ROBO2: variants seen among roughly 807,000 people sequenced by gnomAD.
ROBO2 encodes the protein roundabout homolog 2.
In ROBO2, 53 loss-of-function variants were observed where a neutral mutation model predicts 160.8. That is an observed-to-expected ratio of 0.33 (90% CI 0.26 to 0.41). ROBO2 has a LOEUF of 0.41. ROBO2 is among the 10% of genes least tolerant of loss of function. ROBO2 has a pLI of 1.00. For synonymous variants in ROBO2, 664 were observed against 611.7 expected (o/e 1.09, Z -1.26); for missense variants, 1,577 against 1,722.4 (o/e 0.92, Z 1.49).
intron 2 of ROBO2, among the ~76,000 whole-genome samples, chr3:76,004,760 G>C (rs1208805258): frequency 2.6e-5 from 4 of 152,296 alleles, no homozygotes; most frequent in Admixed American, 6.5e-5. Flanking sequence ...TATAAAAATT[G>C]AATCTATAGA....
At chr3:77,316,796 C>T (rs2064039051) in intron 2 of ROBO2, 6 of 1,282,944 alleles carry the variant, frequency 4.7e-6, no homozygotes, top group Admixed American at 1.7e-5. Context: ...TGGCCACCAG[C>T]CTTGACGTTC....
chr3:76,698,000 T>G (rs2092964550), intron 2 of ROBO2, among the ~76,000 whole-genome samples: 1 of 152,256 alleles, frequency 6.6e-6, no homozygotes, highest in African/African-American at 2.4e-5. Context: ...CTGTAGAAGC[T>G]CTTCTATTTT....
chr3:76,141,149 C>CTATATATATA (rs1367308943), intron 2 of ROBO2, among the ~76,000 whole-genome samples: 1 of 51,174 alleles, frequency 2.0e-5, no homozygotes, highest in African/African-American at 8.8e-5. Context: ...CTCTCTCTCT[C>CTATATATATA]TCTCTCTCTC....
chr3:76,754,641 G>T (rs1230652031), intron 2 of ROBO2, among the ~76,000 whole-genome samples: 1 of 151,770 alleles, frequency 6.6e-6, no homozygotes, highest in Non-Finnish European at 1.5e-5. Flanking sequence ...ATATTATTAG[G>T]ACTATCCAAG....
intron 2 of ROBO2, among the ~76,000 whole-genome samples, chr3:76,256,299 GTCTCTCTCTCTCTCTCTC>G (rs372215718): frequency 0.014 from 1,258 of 92,526 alleles, 19 homozygotes; most frequent in African/African-American, 0.023. Flanking sequence ...GACAGAGTGA[GTCTCTCTCTCTCTCTCTC>G]TCTCTCTCTC....
At chr3:76,072,266 T>G (rs1054022369) in intron 2 of ROBO2, among the ~76,000 whole-genome samples, 2 of 152,116 alleles carry the variant, frequency 1.3e-5, no homozygotes, top group Non-Finnish European at 2.9e-5. Context: ...GGTTTTTTTT[T>G]CCTTGAGGCA....
At chr3:76,562,337 T>C (rs1035052950) in intron 2 of ROBO2, among the ~76,000 whole-genome samples, 12 of 151,972 alleles carry the variant, frequency 7.9e-5, no homozygotes, top group African/African-American at 2.2e-4. Context: ...AATAATACTA[T>C]GATTAGAATG....
intron 2 of ROBO2, among the ~76,000 whole-genome samples, chr3:76,991,563 A>G (rs1255997708): frequency 6.6e-6 from 1 of 152,180 alleles, no homozygotes; most frequent in Non-Finnish European, 1.5e-5. Flanking sequence ...TTTGCTTTTT[A>G]TCACGGGATT....
chr3:77,168,178 A>T (rs1490192008), intron 2 of ROBO2, among the ~76,000 whole-genome samples: 1 of 152,232 alleles, frequency 6.6e-6, no homozygotes, highest in Non-Finnish European at 1.5e-5. Context: ...ACAGACAATC[A>T]GCCTTCCAAG....
intron 2 of ROBO2, among the ~76,000 whole-genome samples, chr3:76,003,427 T>C (rs2065941892): frequency 6.6e-6 from 1 of 152,220 alleles, no homozygotes; most frequent in South Asian, 2.1e-4. Flanking sequence ...AAATCAGATT[T>C]TGCTATAAAG....
At chr3:76,346,301 G>A (rs1398518064) in intron 2 of ROBO2, among the ~76,000 whole-genome samples, 1 of 150,580 alleles carries the variant, frequency 6.6e-6, no homozygotes, top group Non-Finnish European at 1.5e-5. Flanking sequence ...AGGCTGGAGT[G>A]CAGTGGCGTG....
At chr3:76,631,203 T>G (rs2109451824) in intron 2 of ROBO2, among the ~76,000 whole-genome samples, 1 of 152,334 alleles carries the variant, frequency 6.6e-6, no homozygotes, top group African/African-American at 2.4e-5. Flanking sequence ...TTAATTTTAT[T>G]CAGTGGAAAA....
intron 2 of ROBO2, among the ~76,000 whole-genome samples, chr3:76,886,882 G>T (rs959197939): frequency 1.3e-5 from 2 of 152,156 alleles, no homozygotes; most frequent in South Asian, 2.1e-4. Flanking sequence ...TGTAATTAAA[G>T]ATTTCAGTCT....
chr3:76,740,263 G>A (rs2093780874), intron 2 of ROBO2, among the ~76,000 whole-genome samples: 1 of 152,248 alleles, frequency 6.6e-6, no homozygotes, highest in African/African-American at 2.4e-5. Context: ...TCAGTGTGTT[G>A]ATGAGTGCAG....
intron 2 of ROBO2, among the ~76,000 whole-genome samples, chr3:77,107,717 C>G (rs147909298): frequency 6.6e-6 from 1 of 152,090 alleles, no homozygotes; most frequent in South Asian, 2.1e-4. Context: ...TACCAAGGAA[C>G]GAATGTGCCT....
intron 2 of ROBO2, among the ~76,000 whole-genome samples, chr3:76,062,513 T>C (rs927308941): frequency 7.2e-5 from 11 of 152,294 alleles, no homozygotes; most frequent in East Asian, 3.9e-4. Context: ...CCCTCCTTCA[T>C]TGATATGAAG....
intron 16 of ROBO2, among the ~76,000 whole-genome samples, chr3:77,580,626 C>A (rs753359477): frequency 2.6e-5 from 4 of 151,956 alleles, no homozygotes; most frequent in African/African-American, 4.8e-5. Context: ...TTATGTTTGT[C>A]TGTTCTTGAG....
intron 2 of ROBO2, among the ~76,000 whole-genome samples, chr3:76,943,635 G>T (rs1025882816): frequency 6.6e-6 from 1 of 152,248 alleles, no homozygotes; most frequent in South Asian, 2.1e-4. Flanking sequence ...ACCAAAACAC[G>T]TATTCATAGT....
intron 2 of ROBO2, among the ~76,000 whole-genome samples, chr3:76,537,730 A>C (rs898888063): frequency 2.0e-5 from 3 of 152,128 alleles, no homozygotes; most frequent in Non-Finnish European, 4.4e-5. Flanking sequence ...TGTGAGCAAC[A>C]AGGCTGCTTA....
Sources: allele counts gnomAD v4.1 joint callset (sites outside exome capture counted in the v4.1 genomes callset), GRCh38; gene constraint gnomAD v4.1.1; transcripts MANE v1.5; gene names NCBI Gene and HGNC (gene_info 2026-07-23, HGNC 2026-07-21).